The following CTNND2 variants were observed in gnomAD, a reference collection of about 807,000 sequenced individuals.
The protein encoded by CTNND2 is catenin delta-2.
CTNND2 carries 22 observed loss-of-function variants against 144.4 expected under a neutral mutation model. The observed-to-expected ratio is 0.15, with a 90% CI of 0.11 to 0.22. The LOEUF (loss-of-function observed/expected upper bound fraction) is 0.22, where lower values mean the gene tolerates loss of function less well. CTNND2 is among the 10% of genes least tolerant of loss of function. The pLI is 1.00. For missense variants in CTNND2, 1,353 were observed against 1,618.8 expected, an observed-to-expected ratio of 0.84 and a Z score of 2.82; for synonymous variants, 751 against 695.6, an observed-to-expected ratio of 1.08 and a Z score of -1.25.
intron 2 of CTNND2, among the ~76,000 whole-genome samples, chr5:11,665,196 T>C (rs1390469356): frequency 1.3e-5 from 2 of 152,134 alleles, no homozygotes; most frequent in South Asian, 4.1e-4. Flanking sequence ...AATAGAGAAA[T>C]TGTGTAGCTC....
intron 18 of CTNND2, among the ~76,000 whole-genome samples, chr5:11,005,764 G>A (rs1039256656): frequency 1.3e-5 from 2 of 152,228 alleles, no homozygotes; most frequent in Non-Finnish European, 2.9e-5. Flanking sequence ...TCTAAGTGCA[G>A]ATGTCATGTG....
intron 9 of CTNND2, among the ~76,000 whole-genome samples, chr5:11,312,878 C>T (rs1157926514): frequency 3.3e-5 from 5 of 152,182 alleles, no homozygotes; most frequent in Non-Finnish European, 7.3e-5. Flanking sequence ...TTTTACCCTT[C>T]CAGAATACTT....
At chr5:11,114,063 G>C (rs1236354145) in intron 13 of CTNND2, among the ~76,000 whole-genome samples, 1 of 152,150 alleles carries the variant, frequency 6.6e-6, no homozygotes, top group East Asian at 1.9e-4. Context: ...AAAGTGGACT[G>C]GCACGAAAGC....
chr5:11,115,023 G>T (rs1404918619), intron 13 of CTNND2, among the ~76,000 whole-genome samples: 1 of 152,168 alleles, frequency 6.6e-6, no homozygotes, highest in Non-Finnish European at 1.5e-5. Flanking sequence ...AGGTCAGTTG[G>T]ATATGGTGCT....
chr5:11,707,279 G>C (rs889806892), intron 2 of CTNND2, among the ~76,000 whole-genome samples: 19 of 152,018 alleles, frequency 1.2e-4, no homozygotes, highest in African/African-American at 4.4e-4. Flanking sequence ...GTGTCCCACA[G>C]CCATGACTTT....
At chr5:11,663,352 A>G (rs1783383652) in intron 2 of CTNND2, among the ~76,000 whole-genome samples, 1 of 152,230 alleles carries the variant, frequency 6.6e-6, no homozygotes, top group Non-Finnish European at 1.5e-5. Flanking sequence ...TTCCATTCCT[A>G]TCTGCAATCA....
intron 3 of CTNND2, among the ~76,000 whole-genome samples, chr5:11,513,209 C>A (rs933949164): frequency 2.0e-5 from 3 of 152,180 alleles, no homozygotes; most frequent in African/African-American, 7.2e-5. Flanking sequence ...CTCAATGCAT[C>A]CCTTCCATGA....
At chr5:11,146,672 G>A (rs2149744375) in intron 12 of CTNND2, among the ~76,000 whole-genome samples, 1 of 152,298 alleles carries the variant, frequency 6.6e-6, no homozygotes, top group Non-Finnish European at 1.5e-5. Flanking sequence ...TTCAGATGAG[G>A]TGGTTGAGGA....
intron 18 of CTNND2, among the ~76,000 whole-genome samples, chr5:11,004,424 C>T (rs115988532): frequency 0.023 from 3,466 of 152,282 alleles, 51 homozygotes; most frequent in South Asian, 0.059. Flanking sequence ...TCGATGTTTA[C>T]GCTGGGTCTC....
chr5:11,604,184 G>A (rs1478640468), intron 2 of CTNND2, among the ~76,000 whole-genome samples: 1 of 152,204 alleles, frequency 6.6e-6, no homozygotes, highest in Non-Finnish European at 1.5e-5. Flanking sequence ...TTTCTGGAAT[G>A]TGGTTTATGG....
At chr5:11,142,041 T>C (rs538117301) in intron 12 of CTNND2, among the ~76,000 whole-genome samples, 15 of 152,264 alleles carry the variant, frequency 9.9e-5, no homozygotes, top group Middle Eastern at 3.4e-3. Flanking sequence ...TCAACCATGA[T>C]GCAGCAAGAA....
At chr5:11,830,837 C>T (rs1419969560) in intron 1 of CTNND2, among the ~76,000 whole-genome samples, 1 of 151,900 alleles carries the variant, frequency 6.6e-6, no homozygotes, top group African/African-American at 2.4e-5. Flanking sequence ...CCTGATGTGG[C>T]CCACTCTTTC....
intron 15 of CTNND2, among the ~76,000 whole-genome samples, 200 bp downstream of exon 15, chr5:11,098,375 T>C (rs1297842719): frequency 1.3e-5 from 2 of 152,210 alleles, no homozygotes; most frequent in Non-Finnish European, 2.9e-5. Flanking sequence ...TTTGTAGTGA[T>C]CTTCAAGGAC....
intron 12 of CTNND2, among the ~76,000 whole-genome samples, chr5:11,133,529 C>T (rs906941405): frequency 4.6e-5 from 7 of 151,580 alleles, no homozygotes; most frequent in African/African-American, 1.7e-4. Flanking sequence ...ATTTTGTATT[C>T]TTAGTAGTGA....
intron 2 of CTNND2, among the ~76,000 whole-genome samples, chr5:11,568,099 C>T (rs1267146618): frequency 1.3e-5 from 2 of 152,118 alleles, no homozygotes; most frequent in Non-Finnish European, 2.9e-5. Context: ...TATGGGTTCT[C>T]CCAGCTTGGC....
At chr5:11,361,644 C>T (rs1756467644) in intron 8 of CTNND2, among the ~76,000 whole-genome samples, 1 of 152,226 alleles carries the variant, frequency 6.6e-6, no homozygotes, top group African/African-American at 2.4e-5. Flanking sequence ...GAAGAAGTTA[C>T]AAGCTAGATG....
At chr5:11,520,328 C>G (rs1397879231) in intron 3 of CTNND2, among the ~76,000 whole-genome samples, 1 of 152,094 alleles carries the variant, frequency 6.6e-6, no homozygotes, top group Non-Finnish European at 1.5e-5. Context: ...GCCCTGCCAC[C>G]AGGAAATCCT....
At chr5:11,250,753 G>A (rs1484114999) in intron 9 of CTNND2, among the ~76,000 whole-genome samples, 2 of 151,890 alleles carry the variant, frequency 1.3e-5, no homozygotes, top group Non-Finnish European at 2.9e-5. Context: ...CAAGGCTCAA[G>A]TGATCCTTCT....
At chr5:11,792,588 G>C (rs1259212131) in intron 1 of CTNND2, among the ~76,000 whole-genome samples, 3 of 152,204 alleles carry the variant, frequency 2.0e-5, no homozygotes, top group African/African-American at 7.2e-5. Flanking sequence ...AAGTACAGCA[G>C]GGGTCTAAGA....
Sources: gnomAD v4.1 joint callset for allele counts (sites outside exome capture counted in the v4.1 genomes callset) on GRCh38, gnomAD v4.1.1 for gene constraint, MANE v1.5 for transcripts, NCBI Gene and HGNC (gene_info 2026-07-23, HGNC 2026-07-21) for gene names.